Variants in NEMF observed in about 807,000 individuals in gnomAD.
NEMF encodes the protein nuclear export mediator factor, also known as ribosome quality control complex subunit NEMF.
A neutral mutation model predicts 162.2 loss-of-function variants in NEMF; 89 were observed. The observed-to-expected ratio is 0.55, with a 90% confidence interval of 0.46 to 0.65. The LOEUF is 0.65. Ranked by LOEUF, NEMF falls within the 30% of genes least tolerant of loss-of-function variation. The pLI, the probability that NEMF is intolerant of heterozygous loss-of-function variation, is 0.00. For missense variants in NEMF, 1,133 were observed against 1,261.9 expected (o/e 0.90, Z 1.55); for synonymous variants, 421 against 404.5 (o/e 1.04, Z -0.49).
intron 5 of NEMF, among the ~76,000 whole-genome samples, chr14:49,838,677 T>G (rs1379834384): frequency 2.0e-5 from 3 of 150,098 alleles, no homozygotes; most frequent in African/African-American, 7.3e-5. Flanking sequence ...CTCCGCCTCC[T>G]GGGTTCACGC....
Position 49,846,198 on chromosome 14 carries a change from T to C in NEMF, c.299A>G (p.Asp100Gly). 1 of 1,613,804 alleles carries C rather than the reference T, an allele frequency of 6.2e-7. No homozygotes were observed. Among genetic ancestry groups the C allele is most frequent in the Non-Finnish European group, 8.5e-7 (1 of 1,179,778 alleles). The change falls in exon 4 of 33, where the codon GAT becomes GGT. Residue 100 changes from aspartate to glycine, a missense_variant. Asp to Gly is a moderately conservative substitution (Grantham distance 94). Around this residue, in one of 3 missense-constraint regions of NEMF, gnomAD observed 582 missense variants for 631.5 expected, o/e 0.92. Transcript: ENST00000298310. ...AKQLGVDRIVDFQFGSDEAAY... is the reference protein window; with the variant it reads ...AKQLGVDRIVGFQFGSDEAAY... ...AGCTTCATCACTTCCAAATTGAAAA[T>C]CTACAATTCTATCCACACCAAGCTG...
chr14:49,836,266 G>T (rs1382136281), intron 6 of NEMF, among the ~76,000 whole-genome samples: 2 of 152,122 alleles, frequency 1.3e-5, no homozygotes, highest in South Asian at 4.1e-4. Context: ...GCAACAGAAT[G>T]AGATTGTCTC....
In NEMF at chr14:49,789,305, C is replaced by T. The variant is rs751086138; in HGVS notation, c.2736G>A (p.Gly912=). Residue 912 remains glycine (G), a synonymous_variant, in exon 28 of 33, where the codon GGG becomes GGA. Transcript: ENST00000298310. ...GSNKEEKGKK[G]KKGKTKDEPV... is the part of the protein sequence containing the mutation. ...GTTCGTCCTTTGTTTTTCCTTTCTT[C>T]CCCTTCTTCCCTTTTTCTTCTTTGT... 6.8e-6 allele frequency: 11 copies of T among 1,614,126 alleles called. No individual in the cohort carries two copies. Among genetic ancestry groups the T allele is most frequent in the Non-Finnish European group, 9.3e-6 (11 of 1,180,020 alleles).
chr14:49,788,298 T>A (rs1426040508), intron 28 of NEMF, among the ~76,000 whole-genome samples: 21 of 60,736 alleles, frequency 3.5e-4, no homozygotes, highest in African/African-American at 9.3e-4. Flanking sequence ...AAAAAAAAAT[T>A]CAAGAAGAGG....
At chr14:49,834,593 C>T (rs185010969) in intron 6 of NEMF, 144 bp from the exon 7 acceptor site, 100 of 557,580 alleles carry the variant, frequency 1.8e-4, no homozygotes, top group African/African-American at 1.6e-3. Flanking sequence ...CTCCCACCTC[C>T]TGCCTCAGCC....
rs1889942694 is a variant in NEMF at position 49,782,314 on chromosome 14, A to G, written c.*2322T>C. The G allele has an allele frequency of 1.7e-6, 2 of 1,166,996 alleles. No homozygotes were observed. Among genetic ancestry groups the G allele is most frequent in the Non-Finnish European group, 2.5e-6 (2 of 790,540 alleles). 72.3% of individuals were successfully genotyped at this position (1,166,996 alleles called of 1,614,324 possible). A position where few individuals can be genotyped will look rare whatever the true frequency, so the allele number is the denominator to read the frequency against. ...ATTTCATAGCTCTATTCTGTAGTAT[A>G]AAATGGCCAACTGGTGTTCTGGGTG... On this transcript the variant is annotated 3_prime_UTR_variant, in exon 33 of 33. Coordinates refer to ENST00000298310, the MANE Select transcript of NEMF (RefSeq NM_004713.6).
Position 49,783,162 on chromosome 14 carries a change from A to C in NEMF, c.*1474T>G, listed in dbSNP as rs1443580078. 2.6e-6 allele frequency: 1 copy of C among 383,866 alleles called. No individual in the cohort carries two copies. Among genetic ancestry groups the C allele is most frequent in the Non-Finnish European group, 4.6e-6 (1 of 218,888 alleles). The allele number at this position is 383,866 out of a possible 1,614,324, so 23.8% of individuals were successfully genotyped here. On this transcript the variant is annotated 3_prime_UTR_variant, in exon 33 of 33. Transcript: ENST00000298310. ...CAGTAGCTGTCCTCTATTAAAGTAA[A>C]GTAATGGTTGGGCTTTTTACCCTGA...
In NEMF at chr14:49,782,859, A is replaced by G. The variant is rs1889973525; in HGVS notation, c.*1777T>C. ...AGCTTAGAAGCAGTCATTTGCTTTAAAGAAATGTTAGCCAACTCATGGAAC... is the reference window on the plus strand; with the variant it reads ...AGCTTAGAAGCAGTCATTTGCTTTAGAGAAATGTTAGCCAACTCATGGAAC... On this transcript the variant is annotated 3_prime_UTR_variant, in exon 33 of 33. Coordinates refer to ENST00000298310, the MANE Select transcript of NEMF (RefSeq NM_004713.6). 2 of 1,613,782 alleles carry G rather than the reference A, an allele frequency of 1.2e-6. No individual in the cohort carries two copies. The highest frequency in any genetic ancestry group is 1.3e-5 in the African/African-American group (1 of 74,912).
At chr14:49,817,253 G>C (rs1406610042) in intron 16 of NEMF, among the ~76,000 whole-genome samples, 3 of 152,210 alleles carry the variant, frequency 2.0e-5, no homozygotes, top group Admixed American at 2.0e-4. Context: ...GACCAGCCTG[G>C]CCAACATGAT....
At chr14:49,814,545 A>G (rs1891634609) in intron 17 of NEMF, among the ~76,000 whole-genome samples, 1 of 152,270 alleles carries the variant, frequency 6.6e-6, no homozygotes, top group Admixed American at 6.5e-5. Context: ...ACTGCAGATT[A>G]GCTCAGCAAT....
chr14:49,835,061 G>A (rs532014068), intron 6 of NEMF, among the ~76,000 whole-genome samples: 10 of 152,146 alleles, frequency 6.6e-5, no homozygotes, highest in African/African-American at 2.2e-4. Flanking sequence ...TTAGCCAGGC[G>A]TGGTGGCACA....
intron 14 of NEMF, 76 bp downstream of exon 14, chr14:49,828,540 A>T (rs540379824): frequency 2.9e-5 from 37 of 1,293,180 alleles, no homozygotes; most frequent in Admixed American, 1.0e-4. Context: ...GAAATTTAAA[A>T]TTTTTTAAAA....
At chr14:49,838,733 C>T (rs1229650744) in intron 5 of NEMF, among the ~76,000 whole-genome samples, 4 of 151,750 alleles carry the variant, frequency 2.6e-5, no homozygotes, top group African/African-American at 4.8e-5. Flanking sequence ...TACAGGCGCC[C>T]GCCACCACGC....
At chr14:49,791,152 A>C (rs997611668) in intron 26 of NEMF, among the ~76,000 whole-genome samples, 1 of 142,732 alleles carries the variant, frequency 7.0e-6, no homozygotes, top group Non-Finnish European at 1.6e-5. Flanking sequence ...TGGCCAACAT[A>C]AGTGAAACCC....
intron 16 of NEMF, among the ~76,000 whole-genome samples, chr14:49,825,296 T>G (rs1892280544): frequency 6.6e-6 from 1 of 152,108 alleles, no homozygotes; most frequent in African/African-American, 2.4e-5. Context: ...TCTTTCCCAG[T>G]GGGAAGTTAG....
intron 25 of NEMF, among the ~76,000 whole-genome samples, chr14:49,797,725 C>T (rs772363970): frequency 1.3e-5 from 2 of 152,218 alleles, no homozygotes; most frequent in Non-Finnish European, 2.9e-5. Flanking sequence ...GACAATATCA[C>T]CCTAGAACTA....
intron 20 of NEMF, among the ~76,000 whole-genome samples, chr14:49,802,976 A>C (rs887960516): frequency 6.6e-6 from 1 of 152,186 alleles, no homozygotes; most frequent in Non-Finnish European, 1.5e-5. Flanking sequence ...CTATTTTCAG[A>C]AATAAGTTCA....
At position 49,782,732 on chromosome 14, in the gene NEMF, T is replaced by C; in HGVS notation, c.*1904A>G. On this transcript the variant is annotated 3_prime_UTR_variant, in exon 33 of 33. Transcript: ENST00000298310. ...TATAACCAGTTCCTATGAAAATCTT[T>C]GAAGAAAGAAAGAGGGATGTTTTAT... 2.1e-6 allele frequency: 3 copies of C among 1,454,386 alleles called. No homozygotes were observed. Among genetic ancestry groups the C allele is most frequent in the Non-Finnish European group, 2.8e-6 (3 of 1,068,744 alleles). 90.1% of individuals were successfully genotyped at this position (1,454,386 alleles called of 1,614,324 possible).
chr14:49,815,047 GA>G (rs1566674665), intron 16 of NEMF, among the ~76,000 whole-genome samples, 190 bp from the exon 17 acceptor site: 3 of 152,104 alleles, frequency 2.0e-5, no homozygotes, highest in Admixed American at 1.3e-4. Flanking sequence ...GACAGTCTTA[GA>G]AAAAAGAAAT....
Sources: gnomAD v4.1 joint callset for allele counts (sites outside exome capture counted in the v4.1 genomes callset) on GRCh38, gnomAD v4.1.1 for gene constraint, gnomAD v4.1.1 regional missense constraint, MANE v1.5 for transcripts, NCBI Gene and HGNC (gene_info 2026-07-23, HGNC 2026-07-21) for gene names.